Variants in FGD6 observed in about 807,000 individuals in gnomAD.
The protein encoded by FGD6 is FYVE, RhoGEF and PH domain-containing protein 6.
Under a neutral mutation model 149.4 loss-of-function variants are expected in FGD6, and 90 were observed. The ratio of observed to expected loss-of-function variants is 0.60; its 90% CI spans 0.51 to 0.72. FGD6 has a LOEUF of 0.72. Ranked by LOEUF, FGD6 falls within the 30% of genes least tolerant of loss-of-function variation. FGD6 has a pLI of 0.00. For synonymous variants in FGD6, 527 were observed against 584.0 expected (o/e 0.90, Z 1.41); for missense variants, 1,437 against 1,684.8 (o/e 0.85, Z 2.57).
rs1242370014 is a variant in FGD6 at position 95,085,926 on chromosome 12, T to C, written c.3979-18A>G. The C allele has an allele frequency of 2.5e-6, 4 of 1,590,048 alleles. No homozygotes were observed. In the South Asian group the frequency reaches 3.5e-5, roughly 14 times the overall value. On this transcript the variant is annotated intron_variant, in intron 18 of 20. Coordinates refer to ENST00000343958, the MANE Select transcript of FGD6 (RefSeq NM_018351.4). ...GCTGATACCTAGATAAGAAACCCCA[T>C]ACAAAGTTTAATGGTTTTCAGACAA...
chr12:95,107,059 G>A, intron 12 of FGD6, 22 bp from the exon 13 acceptor site: 2 of 1,569,484 alleles, frequency 1.3e-6, no homozygotes, highest in South Asian at 1.1e-5. Context: ...AACATTTCAG[G>A]GGAGAAAGTA....
At chr12:95,097,287 G>C (rs528338244) in intron 14 of FGD6, among the ~76,000 whole-genome samples, 12 of 152,270 alleles carry the variant, frequency 7.9e-5, no homozygotes, top group African/African-American at 2.4e-4. Flanking sequence ...GTACAAGAAA[G>C]CAAATTTGTG....
chr12:95,197,513 T>C (rs1881762337), intron 2 of FGD6, among the ~76,000 whole-genome samples: 1 of 152,092 alleles, frequency 6.6e-6, no homozygotes, highest in Admixed American at 6.5e-5. Context: ...TTCAACTAAT[T>C]AGAGGGAACA....
intron 15 of FGD6, among the ~76,000 whole-genome samples, chr12:95,093,328 A>C (rs1216359385): frequency 6.6e-6 from 1 of 152,264 alleles, no homozygotes; most frequent in East Asian, 1.9e-4. Flanking sequence ...TGGGCAGATC[A>C]CAAGGTCAGG....
At position 95,157,566 on chromosome 12, in the gene FGD6, C is replaced by CAAAAA. The variant is rs71078615; in HGVS notation, c.2587-4578_2587-4574dup. ...AGGCGACAAGAGCAAAACTCTGTCT[C>CAAAAA]AAAAAAAAAAAAAAAAAGAATATAA... On this transcript the variant is annotated intron_variant, in intron 3 of 20. Coordinates refer to ENST00000343958, the MANE Select transcript of FGD6 (RefSeq NM_018351.4). Among the ~76,000 whole-genome samples, 107 of 113,128 alleles carry CAAAAA rather than the reference C, an allele frequency of 9.5e-4. 3 individuals are homozygous for CAAAAA. Among genetic ancestry groups the CAAAAA allele is most frequent in the African/African-American group, 2.9e-3 (85 of 28,978 alleles). 74.2% of individuals were successfully genotyped at this position (113,128 alleles called of 152,430 possible). A position where few individuals can be genotyped will look rare whatever the true frequency, so the allele number is the denominator to read the frequency against.
chr12:95,167,966 G>C (rs1297909867), intron 3 of FGD6, among the ~76,000 whole-genome samples: 2 of 152,234 alleles, frequency 1.3e-5, no homozygotes, highest in East Asian at 3.9e-4. Flanking sequence ...GGGGTCCAAT[G>C]TCATCCTTTT....
intron 2 of FGD6, among the ~76,000 whole-genome samples, chr12:95,195,144 C>A (rs1303047095): frequency 1.3e-5 from 2 of 152,038 alleles, no homozygotes; most frequent in Non-Finnish European, 2.9e-5. Flanking sequence ...ATTTAAAATG[C>A]CATATAAATT....
At position 95,210,724 on chromosome 12, in the gene FGD6, A is replaced by G. The variant is rs779897165; in HGVS notation, c.560T>C (p.Leu187Ser). ...SVLEEELKDA[L>S]IHQMPPFISA... The stretch of plus-strand genomic sequence containing the variant: ...AATAAAAGGTGGCATTTGGTGTATT[A>G]AGGCATCTTTGAGCTCCTCTTCTAA... Residue 187 changes from leucine (L) to serine (S), a missense_variant, in exon 2 of 21, where the codon TTA becomes TCA. Coordinates refer to ENST00000343958, the MANE Select transcript of FGD6 (RefSeq NM_018351.4). 1.9e-6 allele frequency: 3 copies of G among 1,614,014 alleles called. No individual in the cohort carries two copies. The highest frequency in any genetic ancestry group is 2.5e-6 in the Non-Finnish European group (3 of 1,179,996).
chr12:95,154,811 A>T (rs1208423755), intron 3 of FGD6, among the ~76,000 whole-genome samples: 1 of 152,202 alleles, frequency 6.6e-6, no homozygotes, highest in Non-Finnish European at 1.5e-5. Context: ...GGAAAAAAAA[A>T]TATGGTAGCA....
At chr12:95,149,827 A>G (rs981611453) in intron 5 of FGD6, among the ~76,000 whole-genome samples, 1 of 146,518 alleles carries the variant, frequency 6.8e-6, no homozygotes, top group East Asian at 1.9e-4. Flanking sequence ...ATCATTATAT[A>G]TAATATATAG....
intron 15 of FGD6, 41 bp downstream of exon 15, chr12:95,094,551 T>C (rs1272203438): frequency 7.7e-6 from 11 of 1,427,778 alleles, no homozygotes; most frequent in Non-Finnish European, 1.1e-5. Flanking sequence ...GTAAAAACTT[T>C]GAAATGCACT....
intron 13 of FGD6, among the ~76,000 whole-genome samples, chr12:95,106,693 C>T (rs1045256621): frequency 3.3e-5 from 5 of 151,890 alleles, no homozygotes; most frequent in African/African-American, 9.7e-5. Flanking sequence ...GTCAGGAGTT[C>T]GAGACCAGCC....
chr12:95,086,078 G>A (rs772544392), intron 18 of FGD6, among the ~76,000 whole-genome samples, 170 bp from the exon 19 acceptor site: 1 of 151,864 alleles, frequency 6.6e-6, no homozygotes, highest in Non-Finnish European at 1.5e-5. Flanking sequence ...ATTAACATGA[G>A]CACAAAAAAG....
intron 8 of FGD6, among the ~76,000 whole-genome samples, chr12:95,115,188 TAGTC>T (rs781300949): frequency 1.0e-4 from 14 of 134,776 alleles, no homozygotes; most frequent in East Asian, 2.2e-4. Context: ...ACATAGCACT[TAGTC>T]AGGGGCTTTG....
intron 3 of FGD6, among the ~76,000 whole-genome samples, chr12:95,167,933 T>C (rs143395179): frequency 5.9e-5 from 9 of 152,228 alleles, no homozygotes; most frequent in East Asian, 3.9e-4. Context: ...TTTGAGTTAG[T>C]TTTTGTGTAT....
At chr12:95,142,421 G>C (rs889794271) in intron 5 of FGD6, among the ~76,000 whole-genome samples, 3 of 152,066 alleles carry the variant, frequency 2.0e-5, no homozygotes, top group African/African-American at 7.2e-5. Flanking sequence ...GGGATTACAA[G>C]TGTGACCCAC....
At chr12:95,217,097 G>C in intron 1 of FGD6, 128 bp downstream of exon 1, 1 of 1,423,292 alleles carries the variant, frequency 7.0e-7, no homozygotes, top group Non-Finnish European at 9.6e-7. Context: ...CTCCGCGCTT[G>C]CCGAGGTGCT....
intron 2 of FGD6, among the ~76,000 whole-genome samples, chr12:95,180,294 G>A (rs964165531): frequency 1.3e-5 from 2 of 151,540 alleles, no homozygotes; most frequent in Non-Finnish European, 2.9e-5. Context: ...GGCTGTCCCC[G>A]AACACATTCA....
chr12:95,187,190 T>G (rs1881461181), intron 2 of FGD6, among the ~76,000 whole-genome samples: 3 of 147,302 alleles, frequency 2.0e-5, no homozygotes, highest in South Asian at 2.2e-4. Context: ...AATTAGCTGG[T>G]CGTGGTGGCA....
Sources: allele counts gnomAD v4.1 joint callset (sites outside exome capture counted in the v4.1 genomes callset), GRCh38; gene constraint gnomAD v4.1.1; transcripts MANE v1.5; gene names NCBI Gene and HGNC (gene_info 2026-07-23, HGNC 2026-07-21).